The following TMEM232 variants were observed in gnomAD, a reference collection of about 807,000 sequenced individuals.
TMEM232 encodes transmembrane protein 232.
Under a neutral mutation model 78.8 loss-of-function variants are expected in TMEM232, and 80 were observed. That is an observed-to-expected ratio of 1.01 (90% CI 0.85 to 1.22). The LOEUF is 1.22. Ranked by LOEUF, TMEM232 falls within the 50% of genes most tolerant of loss-of-function variation. The pLI is 0.00. For synonymous variants in TMEM232, 297 were observed against 254.3 expected, an observed-to-expected ratio of 1.17 and a Z score of -1.60; for missense variants, 881 against 742.2, an observed-to-expected ratio of 1.19 and a Z score of -2.17.
At chr5:110,685,336 T>A (rs1793265517) in intron 1 of TMEM232, among the ~76,000 whole-genome samples, 1 of 152,006 alleles carries the variant, frequency 6.6e-6, no homozygotes, top group South Asian at 2.1e-4. Flanking sequence ...AAAGTGGAAG[T>A]GAAGAGAAGT....
At chr5:110,701,511 AATATT>A (rs774704726) in intron 1 of TMEM232, among the ~76,000 whole-genome samples, 36 of 152,008 alleles carry the variant, frequency 2.4e-4, no homozygotes, top group Non-Finnish European at 4.1e-4. Flanking sequence ...CATTATTAAC[AATATT>A]ATGATTCCCC....
intron 12 of TMEM232, among the ~76,000 whole-genome samples, chr5:110,478,638 T>C (rs1763519938): frequency 6.6e-6 from 1 of 151,860 alleles, no homozygotes; most frequent in African/African-American, 2.4e-5. Context: ...AATAAGAAAC[T>C]ATGAAAATTC....
intron 12 of TMEM232, among the ~76,000 whole-genome samples, chr5:110,489,180 T>C (rs1486652220): frequency 6.6e-6 from 1 of 151,892 alleles, no homozygotes; most frequent in African/African-American, 2.4e-5. Flanking sequence ...TCTATGAGGC[T>C]AGTATTTTCC....
At chr5:110,402,841 A>T (rs1259545730) in intron 2 of TMEM232, among the ~76,000 whole-genome samples, 1 of 152,094 alleles carries the variant, frequency 6.6e-6, no homozygotes, top group Non-Finnish European at 1.5e-5. Flanking sequence ...GACTACAAAA[A>T]GTGGTGGAGA....
chr5:110,600,528 T>C (rs1363289017), intron 10 of TMEM232, among the ~76,000 whole-genome samples: 2 of 152,092 alleles, frequency 1.3e-5, no homozygotes, highest in Non-Finnish European at 2.9e-5. Flanking sequence ...GAGAATACTA[T>C]AAACACCTTT....
intron 1 of TMEM232, among the ~76,000 whole-genome samples, chr5:110,692,968 G>C (rs969103451): frequency 1.3e-5 from 2 of 152,184 alleles, no homozygotes; most frequent in African/African-American, 4.8e-5. Context: ...AGTTCTCCCA[G>C]CACGCAGTTC....
intron 4 of TMEM232, among the ~76,000 whole-genome samples, chr5:110,388,667 T>C (rs73217157): frequency 0.028 from 4,196 of 152,264 alleles, 206 homozygotes; most frequent in African/African-American, 0.097. Context: ...TTTATTTCCC[T>C]GCCTGGCCCT....
chr5:110,573,463 C>T (rs1009463990), intron 10 of TMEM232, among the ~76,000 whole-genome samples: 3 of 151,986 alleles, frequency 2.0e-5, no homozygotes, highest in Non-Finnish European at 4.4e-5. Context: ...TGGACAAGAA[C>T]CAGTCAGCCA....
chr5:110,508,006 G>A (rs1447856729), intron 12 of TMEM232, among the ~76,000 whole-genome samples: 2 of 152,136 alleles, frequency 1.3e-5, no homozygotes, highest in Non-Finnish European at 2.9e-5. Context: ...AGCCAACTGT[G>A]TTCAGAATTC....
At chr5:110,413,130 C>T (rs1428603985) in intron 2 of TMEM232, among the ~76,000 whole-genome samples, 3 of 152,036 alleles carry the variant, frequency 2.0e-5, no homozygotes, top group African/African-American at 7.2e-5. Context: ...GCAGACCCAC[C>T]CTCAATGTGG....
At chr5:110,682,171 G>T (rs1580645990) in intron 1 of TMEM232, among the ~76,000 whole-genome samples, 1 of 152,072 alleles carries the variant, frequency 6.6e-6, no homozygotes, top group South Asian at 2.1e-4. Context: ...AGCAAAAGAT[G>T]ATGTAAAAGG....
intron 1 of TMEM232, among the ~76,000 whole-genome samples, chr5:110,685,124 C>CA (rs1404373086): frequency 1.3e-5 from 2 of 151,346 alleles, no homozygotes; most frequent in East Asian, 1.9e-4. Flanking sequence ...ACCTACGGCT[C>CA]AAAAAAAGAA....
intron 12 of TMEM232, among the ~76,000 whole-genome samples, chr5:110,442,546 T>C (rs1442289657): frequency 6.6e-6 from 1 of 152,114 alleles, no homozygotes; most frequent in African/African-American, 2.4e-5. Context: ...TTGAATTTCT[T>C]TGAGTTCCTC....
upstream of TMEM232, among the ~76,000 whole-genome samples, chr5:110,731,103 C>T (rs1798635548): frequency 6.6e-6 from 1 of 152,154 alleles, no homozygotes; most frequent in African/African-American, 2.4e-5. Flanking sequence ...GTTACAGGGC[C>T]CATGCAAGTC....
At chr5:110,533,753 G>A (rs554937977) in intron 11 of TMEM232, among the ~76,000 whole-genome samples, 23 of 151,954 alleles carry the variant, frequency 1.5e-4, no homozygotes, top group African/African-American at 3.9e-4. Flanking sequence ...ATCTCCTGAC[G>A]TTCACCCCAT....
At chr5:110,700,549 A>G (rs1222708252) in intron 1 of TMEM232, among the ~76,000 whole-genome samples, 1 of 152,052 alleles carries the variant, frequency 6.6e-6, no homozygotes, top group Non-Finnish European at 1.5e-5. Context: ...GGAACCTCAG[A>G]AACATCTAAA....
intron 11 of TMEM232, among the ~76,000 whole-genome samples, chr5:110,535,443 A>G (rs985133087): frequency 2.0e-5 from 3 of 152,124 alleles, no homozygotes; most frequent in Admixed American, 2.0e-4. Flanking sequence ...GCCCGCCTGC[A>G]CCCAGGTGAT....
rs188292190 is a variant in TMEM232, at chr5:110,550,473, G to A, written c.1455+17974C>T. 8.0e-4 allele frequency among the ~76,000 whole-genome samples: 122 copies of A among 151,966 alleles called. 1 individual carries two copies. The highest frequency in any genetic ancestry group is 2.9e-3 in the African/African-American group (120 of 41,508). ...GTTTATGATGCTCACAAAAAAACAT[G>A]AATTTTTATGTAAAAAATAAACTTT... On this transcript the variant is annotated intron_variant, in intron 11 of 13. Transcript: ENST00000455884.
rs1241844317 is a variant in TMEM232, at chr5:110,446,526, G to A, written c.1704-21610C>T. On this transcript the variant is annotated intron_variant, in intron 12 of 13. Coordinates refer to ENST00000455884, the MANE Select transcript of TMEM232 (RefSeq NM_001039763.4). ...TACAGATTTGGGGTTGGGGAAACAG[G>A]GGTATATAAGAGACCACATTCTTTT... Among the ~76,000 whole-genome samples the A allele has an allele frequency of 5.3e-5, 8 of 151,952 alleles. No homozygotes were observed. In the East Asian group the frequency reaches 1.3e-3, roughly 26 times the overall value.
Sources: allele counts gnomAD v4.1 joint callset (sites outside exome capture counted in the v4.1 genomes callset), GRCh38; gene constraint gnomAD v4.1.1; transcripts MANE v1.5; gene names NCBI Gene and HGNC (gene_info 2026-07-23, HGNC 2026-07-21).